Variants in CD36 observed in about 807,000 individuals in gnomAD.
CD36 encodes CD36 molecule (CD36 blood group), also known as platelet glycoprotein 4.
In CD36, 119 loss-of-function variants were observed where a neutral mutation model predicts 55.2. That is an observed-to-expected ratio of 2.15 (90% CI 1.86 to 2.51). The LOEUF (loss-of-function observed/expected upper bound fraction) is 2.51, where lower values mean the gene tolerates loss of function less well. Among genes scored for constraint, CD36 ranks in the 30% most tolerant of loss-of-function variants. CD36 has a pLI of 0.00. For synonymous variants in CD36, 186 were observed against 193.6 expected (o/e 0.96, Z 0.33); for missense variants, 819 against 555.5 (o/e 1.47, Z -4.77).
At chr7:80,606,027 A>G (rs1792530522) in intron 1 of CD36, among the ~76,000 whole-genome samples, 1 of 152,198 alleles carries the variant, frequency 6.6e-6, no homozygotes, top group African/African-American at 2.4e-5. Flanking sequence ...AGTAACAGCA[A>G]TGTCCCAGTA....
chr7:80,636,456 T>C (rs1794409781), upstream of CD36, among the ~76,000 whole-genome samples: 1 of 150,426 alleles, frequency 6.6e-6, no homozygotes, highest in African/African-American at 2.5e-5. Flanking sequence ...CAATTACAAG[T>C]CAATATAACT....
At chr7:80,673,690 T>A (rs988946353) in intron 13 of CD36, 12 of 558,108 alleles carry the variant, frequency 2.2e-5, no homozygotes, top group Middle Eastern at 4.7e-4. Context: ...AATCCATGCA[T>A]TGATAGCTAT....
At chr7:80,673,302 TATATATAA>T (rs1797901032) in intron 12 of CD36, 45 bp from the exon 13 acceptor site, 1 of 804,682 alleles carries the variant, frequency 1.2e-6, no homozygotes, top group Non-Finnish European at 2.0e-6. Flanking sequence ...TAAAGTTTGT[TATATATAA>T]ATATTAGTTT....
At chr7:80,660,413 G>C (rs1212657365) in intron 4 of CD36, among the ~76,000 whole-genome samples, 1 of 152,134 alleles carries the variant, frequency 6.6e-6, no homozygotes, top group Non-Finnish European at 1.5e-5. Flanking sequence ...AGCAGTGCTG[G>C]ATAGGCCTTG....
upstream of CD36, among the ~76,000 whole-genome samples, chr7:80,637,383 T>C (rs1235785003): frequency 5.3e-5 from 8 of 152,068 alleles, no homozygotes; most frequent in African/African-American, 1.9e-4. Flanking sequence ...TATTCTTTTC[T>C]AACTGAAAGC....
intron 3 of CD36, among the ~76,000 whole-genome samples, chr7:80,655,805 A>G (rs1796002495): frequency 6.6e-6 from 1 of 151,832 alleles, no homozygotes; most frequent in Non-Finnish European, 1.5e-5. Flanking sequence ...TACAAAAACT[A>G]GGTGGGCATG....
At chr7:80,669,870 G>T in intron 8 of CD36, 83 bp from the exon 9 acceptor site, 1 of 902,250 alleles carries the variant, frequency 1.1e-6, no homozygotes, top group Non-Finnish European at 1.9e-6. Flanking sequence ...ACATTTCTAT[G>T]GACTACACTG....
intron 3 of CD36, among the ~76,000 whole-genome samples, 195 bp from the exon 4 acceptor site, chr7:80,656,345 T>C (rs902025710): frequency 2.6e-5 from 4 of 152,158 alleles, no homozygotes; most frequent in African/African-American, 9.6e-5. Context: ...TGTAAAAGGC[T>C]AAAAAGACTG....
At chr7:80,642,199 G>A (rs2116323726) in intron 1 of CD36, among the ~76,000 whole-genome samples, 1 of 152,138 alleles carries the variant, frequency 6.6e-6, no homozygotes, top group South Asian at 2.1e-4. Context: ...AGTATTTTAA[G>A]CAGGAAGTAA....
At chr7:80,656,819 TAC>T in intron 4 of CD36, 119 bp downstream of exon 4, 1 of 858,858 alleles carries the variant, frequency 1.2e-6, no homozygotes, top group Non-Finnish European at 1.9e-6. Context: ...GCCAAAAATA[TAC>T]TTTAAAATAT....
At chr7:80,640,110 C>T (rs1006297609) in intron 1 of CD36, among the ~76,000 whole-genome samples, 4 of 151,984 alleles carry the variant, frequency 2.6e-5, no homozygotes, top group African/African-American at 4.8e-5. Context: ...CTATCAGATA[C>T]TTAATTCTGT....
chr7:80,651,402 A>C (rs1003655406), intron 3 of CD36, among the ~76,000 whole-genome samples: 1 of 152,146 alleles, frequency 6.6e-6, no homozygotes, highest in Non-Finnish European at 1.5e-5. Flanking sequence ...AAGTTGGAAG[A>C]AAAAAATAAA....
chr7:80,667,281 T>G (rs1328581157), intron 8 of CD36, among the ~76,000 whole-genome samples: 1 of 151,874 alleles, frequency 6.6e-6, no homozygotes, highest in Non-Finnish European at 1.5e-5. Context: ...AATACAAATA[T>G]TAGCTGGGTG....
intron 6 of CD36, 146 bp downstream of exon 6, chr7:80,663,315 C>T (rs903634379): frequency 4.4e-5 from 30 of 685,148 alleles, no homozygotes; most frequent in Middle Eastern, 7.8e-4. Context: ...AAGTCCACTT[C>T]TCATTATAGC....
chr7:80,664,826 C>A (rs1228939391), intron 7 of CD36, among the ~76,000 whole-genome samples: 16 of 137,724 alleles, frequency 1.2e-4, no homozygotes, highest in Admixed American at 9.2e-4. Flanking sequence ...ATTATTCTTA[C>A]AATTAGATAA....
At chr7:80,664,856 A>G (rs1796894342) in intron 7 of CD36, among the ~76,000 whole-genome samples, 1 of 151,340 alleles carries the variant, frequency 6.6e-6, no homozygotes, top group African/African-American at 2.4e-5. Flanking sequence ...AAAAGGTAAA[A>G]AAAAAAAAAA....
intron 1 of CD36, among the ~76,000 whole-genome samples, chr7:80,625,785 T>A (rs1206935402): frequency 6.6e-6 from 1 of 152,144 alleles, no homozygotes; most frequent in Non-Finnish European, 1.5e-5. Flanking sequence ...AAGGCTAGTA[T>A]TATGTAAATG....
At chr7:80,625,876 C>T (rs1793712508) in intron 1 of CD36, among the ~76,000 whole-genome samples, 1 of 152,126 alleles carries the variant, frequency 6.6e-6, no homozygotes, top group Non-Finnish European at 1.5e-5. Context: ...ACATACCAGG[C>T]ACTGACCATT....
chr7:80,670,353 G>A (rs943755589), intron 9 of CD36: 5 of 335,734 alleles, frequency 1.5e-5, no homozygotes, highest in Non-Finnish European at 2.8e-5. Flanking sequence ...GCTCAGATTT[G>A]TGGGGCCCAG....
Sources: allele counts gnomAD v4.1 joint callset (sites outside exome capture counted in the v4.1 genomes callset), GRCh38; gene constraint gnomAD v4.1.1; transcripts MANE v1.5; gene names NCBI Gene and HGNC (gene_info 2026-07-23, HGNC 2026-07-21).